Variants in CACNA1C observed in about 807,000 individuals in gnomAD.
CACNA1C encodes the protein voltage-dependent L-type calcium channel subunit alpha-1C.
CACNA1C carries 30 observed loss-of-function variants against 229.0 expected under a neutral mutation model. The observed-to-expected ratio is 0.13, with a 90% confidence interval of 0.10 to 0.18. The LOEUF (loss-of-function observed/expected upper bound fraction) is 0.18, where lower values mean the gene tolerates loss of function less well. Among genes scored for constraint, CACNA1C ranks in the 10% least tolerant of loss-of-function variants. CACNA1C has a pLI of 1.00. For missense variants in CACNA1C, 1,658 were observed against 2,845.0 expected, an observed-to-expected ratio of 0.58 and a Z score of 9.49; for synonymous variants, 1,114 against 1,132.5, an observed-to-expected ratio of 0.98 and a Z score of 0.33.
rs114228457 is a variant in CACNA1C, at chr12:2,589,959, A to G, written c.2531-3254A>G. Among the ~76,000 whole-genome samples the G allele has an allele frequency of 7.2e-3, 1,098 of 152,306 alleles. 22 individuals carry two copies. Among genetic ancestry groups the G allele is most frequent in the African/African-American group, 0.025 (1,021 of 41,570 alleles). ...TGAGCCAGCGAAGAGAAAATCCCCA[A>G]TGCAGAAACTGTATCCACCACCTGT... On this transcript the variant is annotated intron_variant, in intron 18 of 46. Transcript: ENST00000399655.
chr12:2,126,849 G>T (rs2090275134), intron 3 of CACNA1C, among the ~76,000 whole-genome samples: 1 of 152,214 alleles, frequency 6.6e-6, no homozygotes, highest in Non-Finnish European at 1.5e-5. Flanking sequence ...AATGTGTGTT[G>T]CTCTTTGGAA....
chr12:2,274,728 A>C (rs755654996), intron 3 of CACNA1C, among the ~76,000 whole-genome samples: 1 of 152,168 alleles, frequency 6.6e-6, no homozygotes, highest in Non-Finnish European at 1.5e-5. Flanking sequence ...TGGGATTTAC[A>C]CCTAGGGCTG....
At chr12:2,174,539 C>T (rs1294873958) in intron 3 of CACNA1C, among the ~76,000 whole-genome samples, 1 of 152,154 alleles carries the variant, frequency 6.6e-6, no homozygotes, top group Non-Finnish European at 1.5e-5. Flanking sequence ...TTGGTTTTAT[C>T]TATTTCCCTC....
In CACNA1C at chr12:2,651,287, C is replaced by A. The variant is rs1292869055; in HGVS notation, c.3946-353C>A. 8.3e-6 allele frequency: 3 copies of A among 362,236 alleles called. No homozygotes were observed. The highest frequency in any genetic ancestry group is 9.5e-5 in the East Asian group (2 of 21,094). 22.4% of individuals were successfully genotyped at this position (362,236 alleles called of 1,614,324 possible). ...CAGTGCAGAGGAGGGGTTCCCAGGGCAGCTGGCTCTGGGCCTAGAAGATTC... is the reference window on the plus strand; with the variant it reads ...CAGTGCAGAGGAGGGGTTCCCAGGGAAGCTGGCTCTGGGCCTAGAAGATTC... On this transcript the variant is annotated intron_variant, in intron 31 of 46. Transcript: ENST00000399655. The surrounding 1 kb of genome is among the most constrained non-coding windows in gnomAD (Gnocchi z 5.4).
chr12:2,086,356 G>A lies in CACNA1C; in HGVS notation c.50-28868G>A, dbSNP rs140700649. Among the ~76,000 whole-genome samples, 3 of 152,294 alleles carry A rather than the reference G, an allele frequency of 2.0e-5. No homozygotes were observed. In the East Asian group the frequency reaches 5.8e-4, roughly 29 times the overall value. On this transcript the variant is annotated intron_variant, in intron 1 of 46. Transcript: ENST00000399655. ...TCTGCATCTGTGGCATCCCTTTGAT[G>A]TACTGGCCATATAATTCCATTCAAA...
chr12:2,437,982 G>A (rs2099158778), intron 3 of CACNA1C, among the ~76,000 whole-genome samples: 1 of 151,034 alleles, frequency 6.6e-6, no homozygotes, highest in Non-Finnish European at 1.5e-5. Flanking sequence ...TGATAATGAT[G>A]GTGATGATGG....
chr12:2,535,291 A>AG (rs2099850574), intron 9 of CACNA1C, among the ~76,000 whole-genome samples: 1 of 152,122 alleles, frequency 6.6e-6, no homozygotes, highest in African/African-American at 2.4e-5. Flanking sequence ...TGGGAGGCTG[A>AG]GGCAGGAGAA....
intron 3 of CACNA1C, among the ~76,000 whole-genome samples, chr12:2,158,812 A>G (rs1433295407): frequency 6.6e-6 from 1 of 152,220 alleles, no homozygotes; most frequent in South Asian, 2.1e-4. Flanking sequence ...GTTCTTCACC[A>G]TGAGGAGGGA....
At chr12:2,068,815 G>A (rs574810769) in intron 1 of CACNA1C, among the ~76,000 whole-genome samples, 4 of 152,316 alleles carry the variant, frequency 2.6e-5, no homozygotes, top group Non-Finnish European at 5.9e-5. Flanking sequence ...CAAGGGCAGC[G>A]CTGACCCCAG....
chr12:2,238,296 TAA>T (rs2068313947), intron 3 of CACNA1C, among the ~76,000 whole-genome samples: 2 of 152,200 alleles, frequency 1.3e-5, no homozygotes, highest in South Asian at 4.1e-4. Context: ...CCCACGGAAA[TAA>T]CGGTGCTGGA....
At chr12:2,129,140 T>C (rs2091392543) in intron 3 of CACNA1C, among the ~76,000 whole-genome samples, 3 of 152,138 alleles carry the variant, frequency 2.0e-5, no homozygotes, top group African/African-American at 7.2e-5. Context: ...CTGCTCTGTG[T>C]TGCCCCAAGA....
intron 3 of CACNA1C, among the ~76,000 whole-genome samples, chr12:2,203,959 C>A (rs1286368043): frequency 6.6e-6 from 1 of 152,138 alleles, no homozygotes; most frequent in Admixed American, 6.5e-5. Flanking sequence ...GGAGGCTCTG[C>A]AGTCTTTTGG....
At position 2,219,084 on chromosome 12, in the gene CACNA1C, A is replaced by T. The variant is rs187577278; in HGVS notation, c.477+98654A>T. 1.4e-3 allele frequency among the ~76,000 whole-genome samples: 208 copies of T among 152,360 alleles called. 1 individual carries two copies. The highest frequency in any genetic ancestry group is 4.9e-3 in the African/African-American group (202 of 41,584). ...TAGATCAACAAATATGTATCTGACT[A>T]TATGATCTAAAAATCAGCCAGGTAG... is the stretch of plus-strand genomic sequence containing the variant. On this transcript the variant is annotated intron_variant, in intron 3 of 46. Transcript: ENST00000399655.
intron 9 of CACNA1C, among the ~76,000 whole-genome samples, chr12:2,527,920 C>T (rs1277122481): frequency 1.3e-5 from 2 of 152,154 alleles, no homozygotes; most frequent in African/African-American, 4.8e-5. Context: ...AAGAAGATCC[C>T]AAGCTTCAAT....
intron 1 of CACNA1C, among the ~76,000 whole-genome samples, chr12:2,098,713 AAG>A (rs1595792820): frequency 6.6e-6 from 1 of 152,232 alleles, no homozygotes; most frequent in East Asian, 1.9e-4. Flanking sequence ...TTCTGGGAAA[AAG>A]AGTTTTAAAA....
In CACNA1C at chr12:2,679,461, C is replaced by G. The variant is rs767569416; in HGVS notation, c.5109C>G (p.Phe1703Leu). The change falls in exon 42 of 47, where the codon TTC (phenylalanine) becomes TTG (leucine). Residue 1703 changes from phenylalanine to leucine, a missense_variant. Phe to Leu is a conservative substitution (Grantham distance 22). This residue lies in a region of CACNA1C where 590 missense variants were observed against 700.8 expected (regional missense o/e 0.84). Coordinates refer to ENST00000399655, the MANE Select transcript of CACNA1C (RefSeq NM_000719.7). This position sits in a 1 kb window ranked among gnomAD's most constrained non-coding sequence, Gnocchi z 5.5. ...GCCTACAGAGGGCCGGTGGCCTGTT[C>G]GGCAACCACGTCAGCTACTACCAAA... ...DDIFRRAGGL[F>L]GNHVSYYQSD... is the part of the protein sequence containing the mutation. The G allele has an allele frequency of 2.5e-6, 4 of 1,576,152 alleles. No homozygotes were observed. Among genetic ancestry groups the G allele is most frequent in the Middle Eastern group, 1.7e-4 (1 of 5,916 alleles).
At chr12:2,433,971 C>T (rs553394031) in intron 3 of CACNA1C, among the ~76,000 whole-genome samples, 1 of 152,276 alleles carries the variant, frequency 6.6e-6, no homozygotes, top group Admixed American at 6.5e-5. Context: ...AAAAAGTTCC[C>T]TTTCCAGATT....
intron 38 of CACNA1C, 49 bp downstream of exon 38, chr12:2,669,084 A>G: frequency 2.3e-6 from 3 of 1,290,810 alleles, no homozygotes; most frequent in South Asian, 1.2e-5. Context: ...GGTCTAGCAG[A>G]CAATCAGAGA....
intron 3 of CACNA1C, among the ~76,000 whole-genome samples, chr12:2,404,432 G>A (rs1036192201): frequency 2.6e-5 from 4 of 152,190 alleles, no homozygotes; most frequent in South Asian, 4.1e-4. Context: ...CAGGCATTTT[G>A]CATGGGAAGC....
Sources: allele counts gnomAD v4.1 joint callset (sites outside exome capture counted in the v4.1 genomes callset), GRCh38; gene constraint gnomAD v4.1.1; regional missense constraint gnomAD v4.1.1; non-coding constraint Gnocchi (gnomAD v3.1); transcripts MANE v1.5; gene names NCBI Gene and HGNC (gene_info 2026-07-23, HGNC 2026-07-21).